Variants in CAD observed in about 807,000 individuals in gnomAD.
CAD encodes the protein multifunctional protein CAD.
CAD carries 81 observed loss-of-function variants against 237.2 expected under a neutral mutation model. The ratio of observed to expected loss-of-function variants is 0.34; its 90% CI spans 0.29 to 0.41. The LOEUF is 0.41. Ranked by LOEUF, CAD falls within the 10% of genes least tolerant of loss-of-function variation. The pLI is 1.00. For missense variants in CAD, 2,181 were observed against 2,951.7 expected, an observed-to-expected ratio of 0.74 and a Z score of 6.05; for synonymous variants, 1,196 against 1,162.8, an observed-to-expected ratio of 1.03 and a Z score of -0.58.
In CAD at chr2:27,242,203, G is replaced by T; in HGVS notation, c.6096+80G>T. ...GAGAACCCTTCTGCCCACGTTTTCT[G>T]TGTTTTGGGCCAGATGAGTGAGGGG... On this transcript the variant is annotated intron_variant, in intron 39 of 43. Transcript: ENST00000264705. The surrounding 1 kb of genome is among the most constrained non-coding windows in gnomAD (Gnocchi z 6.4). The T allele has an allele frequency of 1.9e-6, 3 of 1,587,028 alleles. No individual in the cohort carries two copies. Among genetic ancestry groups the T allele is most frequent in the Non-Finnish European group, 2.6e-6 (3 of 1,163,304 alleles).
chr2:27,217,965 C>A lies in CAD; in HGVS notation c.171C>A (p.Ile57=). 2 of 1,612,718 alleles carry A rather than the reference C, an allele frequency of 1.2e-6. No individual in the cohort carries two copies. The highest frequency in any genetic ancestry group is 1.7e-6 in the Non-Finnish European group (2 of 1,179,210). Residue 57 remains isoleucine, a synonymous_variant, in exon 2 of 44, where the codon ATC becomes ATA. Transcript: ENST00000264705. Reference sequence around the variant, plus strand: ...TCTTAGTGCTCACCTATCCTCTGATCGGCAACTATGGCATCCCCCCAGATG... The same window carrying A: ...TCTTAGTGCTCACCTATCCTCTGATAGGCAACTATGGCATCCCCCCAGATG... ...AQILVLTYPL[I]GNYGIPPDEM... is the part of the protein sequence containing the mutation.
At position 27,233,420 on chromosome 2, in the gene CAD, G is replaced by T; in HGVS notation, c.3100G>T (p.Val1034Leu). 1 of 1,614,246 alleles carries T rather than the reference G, an allele frequency of 6.2e-7. No homozygotes were observed. Among genetic ancestry groups the T allele is most frequent in the Non-Finnish European group, 8.5e-7 (1 of 1,180,042 alleles). Residue 1034 changes from valine to leucine, a missense_variant, in exon 20 of 44, where the codon GTG becomes TTG. This residue lies in a region of CAD where 306 missense variants were observed against 607.9 expected (regional missense o/e 0.50). Coordinates refer to ENST00000264705, the MANE Select transcript of CAD (RefSeq NM_004341.5). The surrounding 1 kb of genome is among the most constrained non-coding windows in gnomAD (Gnocchi z 6.3). ...GGCGTTGCATCGGCAGCAGTGCCGGGTGCTGGGCACCTCCCCTGAAGCCAT... is the reference window on the plus strand; with the variant it reads ...GGCGTTGCATCGGCAGCAGTGCCGGTTGCTGGGCACCTCCCCTGAAGCCAT... ...AMALHRQQCR[V>L]LGTSPEAIDS...
At chr2:27,225,287 T>C in intron 11 of CAD, 44 bp downstream of exon 11, 1 of 1,206,312 alleles carries the variant, frequency 8.3e-7, no homozygotes, top group Non-Finnish European at 1.2e-6. Context: ...GGTGTTTTTT[T>C]TGGTAGTGTT....
At chr2:27,227,337 CCAGCAGTGG>C (rs1276846919) in intron 15 of CAD, among the ~76,000 whole-genome samples, 5 of 152,142 alleles carry the variant, frequency 3.3e-5, no homozygotes, top group African/African-American at 1.2e-4. Context: ...GTAACGTTAC[CCAGCAGTGG>C]CAGAGCATGT....
Position 27,238,503 on chromosome 2 carries a change from C to T in CAD, c.4933C>T (p.Leu1645=). The part of the protein sequence containing the change: ...TCEVAPHHLF[L]SHDDLERLGP... ...CGAGGTGGCTCCCCACCACCTGTTC[C>T]TAAGCCATGATGACCTGGAGCGCCT... is the stretch of plus-strand genomic sequence containing the variant. Residue 1645 remains leucine (L), a synonymous_variant, in exon 31 of 44, where the codon CTA becomes TTA. Transcript: ENST00000264705. The T allele has an allele frequency of 1.9e-6, 3 of 1,613,178 alleles. No homozygotes were observed. The highest frequency in any genetic ancestry group is 2.5e-6 in the Non-Finnish European group (3 of 1,179,578).
In CAD at chr2:27,239,079, C is replaced by G. The variant is rs1676167385; in HGVS notation, c.5100C>G (p.Pro1700=). The G allele has an allele frequency of 6.3e-7, 1 of 1,596,144 alleles. No homozygotes were observed. Among genetic ancestry groups the G allele is most frequent in the Admixed American group, 1.8e-5 (1 of 56,816 alleles). The stretch of plus-strand genomic sequence containing the variant: ...TGGAGGAGAAGTGTGGGTCCAGGCC[C>G]CCACCTGGGTTCCCAGGGTTAGAGA... ...HTLEEKCGSR[P]PPGFPGLETM... is the part of the protein sequence containing the mutation. The change falls in exon 32 of 44, where the codon CCC becomes CCG. Residue 1700 remains proline (P), a synonymous_variant. Coordinates refer to ENST00000264705, the MANE Select transcript of CAD (RefSeq NM_004341.5). This position sits in a 1 kb window ranked among gnomAD's most constrained non-coding sequence, Gnocchi z 4.0.
chr2:27,223,838 C>T, intron 7 of CAD, 79 bp from the exon 8 acceptor site: 2 of 1,549,210 alleles, frequency 1.3e-6, no homozygotes, highest in Non-Finnish European at 1.8e-6. Context: ...TCCGAGTCCC[C>T]TGTCCCACTA....
At position 27,231,969 on chromosome 2, in the gene CAD, C is replaced by T. The variant is rs2148076197; in HGVS notation, c.2401-11C>T. 3 of 1,614,174 alleles carry T rather than the reference C, an allele frequency of 1.9e-6. No individual in the cohort carries two copies. In the Admixed American group the frequency reaches 5.0e-5, roughly 27 times the overall value. On this transcript the variant is annotated splice_polypyrimidine_tract_variant and intron_variant, in intron 16 of 43. Coordinates refer to ENST00000264705, the MANE Select transcript of CAD (RefSeq NM_004341.5). ...GCAGTAGCTTCCGTCTGTCTACCCCCTTTCTATCAGGAGTTGGAGACTCCA... is the reference window on the plus strand; with the variant it reads ...GCAGTAGCTTCCGTCTGTCTACCCCTTTTCTATCAGGAGTTGGAGACTCCA...
At chr2:27,238,383 C>T (rs1296287093) in intron 30 of CAD, 48 bp from the exon 31 acceptor site, 2 of 1,513,162 alleles carry the variant, frequency 1.3e-6, no homozygotes, top group African/African-American at 2.8e-5. Context: ...TTGTGTAGGG[C>T]AAGGCATATG....
In CAD at chr2:27,223,954, G is replaced by T. The variant is rs1207287375; in HGVS notation, c.1033G>T (p.Asp345Tyr). Reference protein sequence around the residue: ...FHPEHQAGPSDMELLFDIFLE... With the variant: ...FHPEHQAGPSYMELLFDIFLE... Reference sequence around the variant, plus strand: ...CCCAGAGCACCAAGCTGGCCCTTCAGATATGGAACTGCTTTTCGATATCTT... The same window carrying T: ...CCCAGAGCACCAAGCTGGCCCTTCATATATGGAACTGCTTTTCGATATCTT... The change falls in exon 8 of 44, where the codon GAT becomes TAT. Residue 345 changes from aspartate (D) to tyrosine (Y), a missense_variant. By Grantham distance (160) the Asp-to-Tyr change is radical. Coordinates refer to ENST00000264705, the MANE Select transcript of CAD (RefSeq NM_004341.5). The T allele has an allele frequency of 1.2e-6, 2 of 1,614,126 alleles. No individual in the cohort carries two copies. Among genetic ancestry groups the T allele is most frequent in the Non-Finnish European group, 1.7e-6 (2 of 1,179,960 alleles).
At chr2:27,231,410 G>A in intron 15 of CAD, 58 bp from the exon 16 acceptor site, 1 of 954,040 alleles carries the variant, frequency 1.0e-6, no homozygotes, top group Admixed American at 1.7e-5. Flanking sequence ...TATGGGCAGT[G>A]CCTTCTTCCC....
Position 27,220,242 on chromosome 2 carries a change from T to C in CAD, c.223-976T>C, listed in dbSNP as rs117933360. ...ATACATATTCATCATATGACGTAAA[T>C]AGCAAGAGAGGAAATAAAGTATTAA... On this transcript the variant is annotated intron_variant, in intron 2 of 43. Transcript: ENST00000264705. 3.3e-5 allele frequency among the ~76,000 whole-genome samples: 5 copies of C among 152,190 alleles called. No individual in the cohort carries two copies. The East Asian group carries it at 9.6e-4, about 29-fold the overall frequency.
Position 27,239,153 on chromosome 2 carries a change from T to C in CAD, c.5174T>C (p.Leu1725Pro), listed in dbSNP as rs765456620. The change falls in exon 32 of 44, where the codon CTG (leucine) becomes CCG (proline). Residue 1725 changes from leucine (L) to proline (P), a missense_variant. Physicochemically the swap from Leu to Pro is moderately conservative, Grantham distance 98 (BLOSUM62 -3). Coordinates refer to ENST00000264705, the MANE Select transcript of CAD (RefSeq NM_004341.5). This position sits in a 1 kb window ranked among gnomAD's most constrained non-coding sequence, Gnocchi z 4.0. ...GCTGTAAGCGAGGGCCGGCTCAGCCTGGACGACCTGCTGCAGCGATTGCAC... is the reference window on the plus strand; with the variant it reads ...GCTGTAAGCGAGGGCCGGCTCAGCCCGGACGACCTGCTGCAGCGATTGCAC... ...LTAVSEGRLS[L>P]DDLLQRLHHN... is the part of the protein sequence containing the mutation. 1 of 1,613,538 alleles carries C rather than the reference T, an allele frequency of 6.2e-7. No individual in the cohort carries two copies. Among genetic ancestry groups the C allele is most frequent in the South Asian group, 1.1e-5 (1 of 90,978 alleles).
chr2:27,220,656 CAAA>C (rs111297719), intron 2 of CAD, among the ~76,000 whole-genome samples: 11 of 127,060 alleles, frequency 8.7e-5, no homozygotes, highest in South Asian at 2.5e-4. Flanking sequence ...GACCCTGTCT[CAAA>C]AAAAAAAAAA....
intron 15 of CAD, among the ~76,000 whole-genome samples, chr2:27,229,602 G>C (rs1319932831): frequency 6.6e-6 from 1 of 152,124 alleles, no homozygotes; most frequent in South Asian, 2.1e-4. Context: ...AATGGGCCGG[G>C]CGCGGTGGCT....
At chr2:27,243,158 C>A (rs1558547702) in intron 42 of CAD, 40 bp from the exon 43 acceptor site, 1 of 1,594,546 alleles carries the variant, frequency 6.3e-7, no homozygotes, top group Admixed American at 1.7e-5. Flanking sequence ...GTAGCCACTC[C>A]TACCCCAAGG....
chr2:27,219,974 G>A (rs1193405609), intron 2 of CAD, among the ~76,000 whole-genome samples: 1 of 151,964 alleles, frequency 6.6e-6, no homozygotes, highest in Non-Finnish European at 1.5e-5. Context: ...TTGGTAATGG[G>A]GTATTTTGTA....
rs139971049 is a variant in CAD at position 27,240,948 on chromosome 2, C to T, written c.5631C>T (p.Ala1877=). 8.3e-5 allele frequency: 134 copies of T among 1,613,938 alleles called. No homozygotes were observed. The highest frequency in any genetic ancestry group is 1.0e-4 in the Non-Finnish European group (121 of 1,180,004). ...AGGAGAAGTCCTCTCGGAAGGTAGC[C>T]GAGCCAGGTGAGACTCCACCCTGAC... ...EPKEKSSRKV[A]EPELMGTPDG... The change falls in exon 36 of 44, where the codon GCC becomes GCT. Residue 1877 remains alanine, a synonymous_variant. Coordinates refer to ENST00000264705, the MANE Select transcript of CAD (RefSeq NM_004341.5). The surrounding 1 kb of genome is among the most constrained non-coding windows in gnomAD (Gnocchi z 4.6).
chr2:27,224,960 C>T (rs539264086), intron 10 of CAD, 50 bp from the exon 11 acceptor site: 2 of 1,606,564 alleles, frequency 1.2e-6, no homozygotes, highest in African/African-American at 1.3e-5. Context: ...CTTTGATTGC[C>T]TCTCTACCCA....
Sources: allele counts gnomAD v4.1 joint callset (sites outside exome capture counted in the v4.1 genomes callset), GRCh38; gene constraint gnomAD v4.1.1; regional missense constraint gnomAD v4.1.1; non-coding constraint Gnocchi (gnomAD v3.1); transcripts MANE v1.5; gene names NCBI Gene and HGNC (gene_info 2026-07-23, HGNC 2026-07-21).